Variants in UBA1 observed in about 807,000 individuals in gnomAD.
The protein encoded by UBA1 is ubiquitin like modifier activating enzyme 1.
Under a neutral mutation model 84.7 loss-of-function variants are expected in UBA1, and 4 were observed. The ratio of observed to expected loss-of-function variants is 0.05; its 90% CI spans 0.02 to 0.11. UBA1 has a LOEUF of 0.11. Among genes scored for constraint, UBA1 ranks in the 10% least tolerant of loss-of-function variants. The probability of loss-of-function intolerance (pLI) is 1.00; values close to 1 mark genes in which losing one functional copy is unlikely to be tolerated. For missense variants in UBA1, 513 were observed against 902.8 expected, an observed-to-expected ratio of 0.57 and a Z score of 5.53; for synonymous variants, 364 against 362.6, an observed-to-expected ratio of 1.00 and a Z score of -0.04.
intron 16 of UBA1, among the ~76,000 whole-genome samples, chrX:47,207,139 C>G (rs781782921): frequency 1.8e-5 from 2 of 112,133 alleles, no homozygotes. Flanking sequence ...TTCTTACCAT[C>G]TCTTCTAGTT....
At chrX:47,191,874 T>C (rs1556784339), upstream of UBA1, 2 of 111,912 alleles carry the variant, frequency 1.8e-5, no homozygotes, top group African/African-American at 6.5e-5. Context: ...ACCTGGCGTC[T>C]AGCAAAGGGA....
intron 14 of UBA1, 30 bp downstream of exon 14, chrX:47,203,726 C>T (rs201075562): frequency 3.2e-5 from 37 of 1,148,804 alleles, no homozygotes; most frequent in African/African-American, 9.4e-5. Context: ...GGGGCTTTGT[C>T]GTCTCACTTT....
chrX:47,212,897 C>T (rs1219126180), intron 22 of UBA1, 34 bp downstream of exon 22: 22 of 1,208,002 alleles, frequency 1.8e-5, no homozygotes, highest in Non-Finnish European at 2.4e-5. Context: ...TTCCACCCTC[C>T]TCCAGGTTTG....
intron 20 of UBA1, among the ~76,000 whole-genome samples, chrX:47,211,453 T>G (rs1423646391): frequency 8.9e-6 from 1 of 111,893 alleles, no homozygotes; most frequent in Non-Finnish European, 1.9e-5. Flanking sequence ...GAGAACTTGC[T>G]GTTTTACTCT....
At chrX:47,205,707 A>G in intron 14 of UBA1, 1 of 430,735 alleles carries the variant, frequency 2.3e-6, no homozygotes, top group Non-Finnish European at 4.1e-6. Flanking sequence ...TACAAAAATT[A>G]GCCACGCATG....
chrX:47,213,591 C>T (rs1020437034), intron 23 of UBA1, among the ~76,000 whole-genome samples: 4 of 112,294 alleles, frequency 3.6e-5, no homozygotes, highest in African/African-American at 9.7e-5. Context: ...AGAGGCCGGG[C>T]GTGGTGGCTT....
intron 14 of UBA1, chrX:47,205,680 C>G (rs1556790572): frequency 2.5e-6 from 1 of 399,450 alleles, no homozygotes; most frequent in Admixed American, 4.0e-5. Flanking sequence ...ATGACAAAAC[C>G]CTGTCTCTAC....
intron 18 of UBA1, among the ~76,000 whole-genome samples, 180 bp from the exon 19 acceptor site, chrX:47,210,662 C>T (rs781783412): frequency 1.8e-5 from 2 of 111,747 alleles, no homozygotes; most frequent in Non-Finnish European, 3.8e-5. Context: ...TCAGCCAGAT[C>T]TCTGGTTCAA....
intron 20 of UBA1, 40 bp downstream of exon 20, chrX:47,211,265 T>C (rs782344635): frequency 8.4e-7 from 1 of 1,185,553 alleles, no homozygotes; most frequent in Non-Finnish European, 1.1e-6. Context: ...TCACCCCACA[T>C]GTCCCCGGCC....
intron 15 of UBA1, 29 bp from the exon 16 acceptor site, chrX:47,206,219 T>C (rs1556790965): frequency 8.4e-7 from 1 of 1,189,919 alleles, no homozygotes; most frequent in East Asian, 3.1e-5. Flanking sequence ...GATGTTTCTT[T>C]CCTAGCTCTC....
Position 47,212,325 on chromosome X carries a change from T to C in UBA1, c.2465-99T>C, listed in dbSNP as rs1936960949. 5.0e-6 allele frequency: 3 copies of C among 596,218 alleles called. No homozygotes were observed. In the East Asian group the frequency reaches 1.0e-4, roughly 21 times the overall value. 49.1% of individuals were successfully genotyped at this position (596,218 alleles called of 1,213,427 possible). On this transcript the variant is annotated intron_variant, in intron 20 of 25. Coordinates refer to ENST00000335972, the MANE Select transcript of UBA1 (RefSeq NM_003334.4). Reference sequence around the variant, plus strand: ...GATGTCTCTCCTTTCCAAATCCTTTTTGTACCTGAATACCTTTTGCCCCAC... The same window carrying C: ...GATGTCTCTCCTTTCCAAATCCTTTCTGTACCTGAATACCTTTTGCCCCAC...
chrX:47,192,300 A>C (rs1198795356), upstream of UBA1, among the ~76,000 whole-genome samples: 1 of 110,773 alleles, frequency 9.0e-6, no homozygotes, highest in African/African-American at 3.3e-5. Flanking sequence ...ACTACTACTA[A>C]TATAACACTT....
At chrX:47,193,718 A>G (rs1221150128), upstream of UBA1, 3 of 112,589 alleles carry the variant, frequency 2.7e-5, no homozygotes, top group African/African-American at 9.7e-5. Flanking sequence ...ATGAATCGCA[A>G]CCGAGTAGGG....
intron 6 of UBA1, 60 bp downstream of exon 6, chrX:47,201,060 G>A: frequency 9.7e-7 from 1 of 1,034,325 alleles, no homozygotes; most frequent in Non-Finnish European, 1.3e-6. Flanking sequence ...CCAAGCCCAG[G>A]CCAAGACTCT....
At chrX:47,202,588 C>T in intron 10 of UBA1, 50 bp from the exon 11 acceptor site, 1 of 1,208,717 alleles carries the variant, frequency 8.3e-7, no homozygotes, top group Non-Finnish European at 1.1e-6. Context: ...ACACTCCCTG[C>T]CCTCACTGTG....
intron 13 of UBA1, 88 bp downstream of exon 13, chrX:47,203,302 G>A: frequency 9.7e-7 from 1 of 1,027,348 alleles, no homozygotes; most frequent in South Asian, 1.9e-5. Flanking sequence ...AATGCAACCG[G>A]TGGCGCATTC....
In UBA1 at chrX:47,202,713, C is replaced by T. The variant is rs1569210320; in HGVS notation, c.1132C>T (p.Leu378=). The T allele has an allele frequency of 4.1e-6, 5 of 1,211,857 alleles. No homozygotes were observed. Among genetic ancestry groups the T allele is most frequent in the East Asian group, 5.9e-5 (2 of 33,847 alleles). ...RALPAVQQNN[L]DEDLIRKLAY... ...CCTGCCAGCAGTGCAGCAAAATAACCTGGACGAGGACCTCATCCGGAAGCT... is the reference window on the plus strand; with the variant it reads ...CCTGCCAGCAGTGCAGCAAAATAACTTGGACGAGGACCTCATCCGGAAGCT... Residue 378 remains leucine (L), a synonymous_variant, in exon 11 of 26, where the codon CTG becomes TTG. Coordinates refer to ENST00000335972, the MANE Select transcript of UBA1 (RefSeq NM_003334.4).
chrX:47,198,419 T>G, intron 1 of UBA1: 1 of 591,988 alleles, frequency 1.7e-6, no homozygotes, highest in Non-Finnish European at 2.5e-6. Context: ...GGTTAATTAT[T>G]ACTGTTAGTG....
At chrX:47,206,135 G>A (rs1556790876) in intron 15 of UBA1, 22 bp downstream of exon 15, 5 of 1,191,423 alleles carry the variant, frequency 4.2e-6, no homozygotes, top group Non-Finnish European at 4.5e-6. Context: ...GGCGGGTGAG[G>A]TGGTCACGGG....
Sources: gnomAD v4.1 joint callset for allele counts (sites outside exome capture counted in the v4.1 genomes callset) on GRCh38, gnomAD v4.1.1 for gene constraint, MANE v1.5 for transcripts, NCBI Gene and HGNC (gene_info 2026-07-23, HGNC 2026-07-21) for gene names.